The following EYS variants were observed in gnomAD, a reference collection of about 807,000 sequenced individuals.
The protein encoded by EYS is protein eyes shut homolog.
EYS carries 250 observed loss-of-function variants against 282.1 expected under a neutral mutation model. The observed-to-expected ratio is 0.89, with a 90% CI of 0.80 to 0.98. The LOEUF is 0.98. EYS is among the 50% of genes least tolerant of loss of function. The pLI is 0.00. For missense variants in EYS, 4,016 were observed against 3,709.0 expected, an observed-to-expected ratio of 1.08 and a Z score of -2.15; for synonymous variants, 1,355 against 1,282.9, an observed-to-expected ratio of 1.06 and a Z score of -1.20.
intron 22 of EYS, among the ~76,000 whole-genome samples, chr6:64,786,788 C>G (rs1562191405): frequency 1.3e-5 from 2 of 152,160 alleles, no homozygotes; most frequent in Non-Finnish European, 1.5e-5. Flanking sequence ...GGGACCTGAC[C>G]TTGGCATAGC....
chr6:63,817,967 A>T (rs1345973298), intron 36 of EYS, among the ~76,000 whole-genome samples: 2 of 152,184 alleles, frequency 1.3e-5, no homozygotes, highest in Non-Finnish European at 2.9e-5. Flanking sequence ...GTGTGTGTGC[A>T]TGTGTGCCTG....
intron 12 of EYS, among the ~76,000 whole-genome samples, chr6:65,163,613 T>C (rs371966884): frequency 6.6e-6 from 1 of 151,290 alleles, no homozygotes; most frequent in Non-Finnish European, 1.5e-5. Flanking sequence ...AATATAGTTA[T>C]TCTACTTCAG....
intron 12 of EYS, among the ~76,000 whole-genome samples, chr6:65,088,576 C>T (rs768790026): frequency 1.3e-5 from 2 of 152,092 alleles, no homozygotes; most frequent in Non-Finnish European, 2.9e-5. Flanking sequence ...AGCAGCAAAG[C>T]ATTCAAGAGG....
At chr6:64,043,366 T>C (rs1419063628) in intron 33 of EYS, among the ~76,000 whole-genome samples, 4 of 152,192 alleles carry the variant, frequency 2.6e-5, no homozygotes, top group Admixed American at 6.5e-5. Context: ...AGGATGAATA[T>C]TTATTGCATG....
chr6:64,824,549 T>C (rs1414387773), intron 19 of EYS, among the ~76,000 whole-genome samples: 1 of 151,922 alleles, frequency 6.6e-6, no homozygotes, highest in Non-Finnish European at 1.5e-5. Context: ...GACACCACCA[T>C]TCTAACTAGG....
chr6:64,652,058 T>A lies in EYS; in HGVS notation c.3444-25813A>T, dbSNP rs1768582357. Among the ~76,000 whole-genome samples the A allele has an allele frequency of 2.0e-5, 3 of 152,330 alleles. No individual in the cohort carries two copies. The South Asian group carries it at 6.2e-4, about 32-fold the overall frequency. On this transcript the variant is annotated intron_variant, in intron 22 of 42. Transcript: ENST00000503581. ...AGCTTACAAAAATTTGCATTTACTT[T>A]GAGGGAGCAATTTCCCTGCCAAGAA...
At position 64,642,511 on chromosome 6, in the gene EYS, A is replaced by T. The variant is rs553409826; in HGVS notation, c.3444-16266T>A. On this transcript the variant is annotated intron_variant, in intron 22 of 42. Transcript: ENST00000503581. ...ACTGTGAGTGAAGATGAGAGATATG[A>T]CATAGCCCTTTCTGTGCTGTGCTCT... is the stretch of plus-strand genomic sequence containing the variant. 3.3e-5 allele frequency among the ~76,000 whole-genome samples: 5 copies of T among 152,332 alleles called. No homozygotes were observed. In the South Asian group the frequency reaches 1.0e-3, roughly 32 times the overall value.
At chr6:64,746,621 T>C (rs1326597424) in intron 22 of EYS, among the ~76,000 whole-genome samples, 1 of 152,240 alleles carries the variant, frequency 6.6e-6, no homozygotes, top group Non-Finnish European at 1.5e-5. Flanking sequence ...TAGGAATCAC[T>C]GGATGTCTAG....
At chr6:65,399,850 C>A (rs1766425708) in intron 7 of EYS, among the ~76,000 whole-genome samples, 1 of 151,992 alleles carries the variant, frequency 6.6e-6, no homozygotes, top group Admixed American at 6.6e-5. Context: ...CCTTTTAATC[C>A]TTTCAGCTCT....
chr6:64,758,401 T>A (rs79622779), intron 22 of EYS, among the ~76,000 whole-genome samples: 2,714 of 152,242 alleles, frequency 0.018, 74 homozygotes, highest in African/African-American at 0.062. Flanking sequence ...ACTACTGGGG[T>A]ACTACTGCTT....
At position 65,179,479 on chromosome 6, in the gene EYS, C is replaced by T. The variant is rs182364597; in HGVS notation, c.2023+116384G>A. Among the ~76,000 whole-genome samples the T allele has an allele frequency of 9.9e-3, 1,500 of 152,090 alleles. 25 individuals are homozygous for T. The highest frequency in any genetic ancestry group is 0.034 in the African/African-American group (1,413 of 41,504). On this transcript the variant is annotated intron_variant, in intron 12 of 42. Transcript: ENST00000503581. ...ATCTAGAAGAAATGGATAAATTCCT[C>T]GACACATACATCCTCTCAAGACTAA...
chr6:63,794,872 C>G (rs1770603303), intron 37 of EYS, among the ~76,000 whole-genome samples: 1 of 152,072 alleles, frequency 6.6e-6, no homozygotes, highest in Non-Finnish European at 1.5e-5. Flanking sequence ...GAAATCAGCC[C>G]TAGGAAGATT....
intron 35 of EYS, among the ~76,000 whole-genome samples, chr6:63,877,016 G>T (rs536806004): frequency 5.8e-4 from 88 of 152,268 alleles, no homozygotes; most frequent in Non-Finnish European, 1.0e-3. Flanking sequence ...TCATTATGAT[G>T]TTAGCTGGTT....
intron 34 of EYS, among the ~76,000 whole-genome samples, chr6:63,993,117 T>C (rs906768698): frequency 1.3e-5 from 2 of 151,720 alleles, no homozygotes; most frequent in Non-Finnish European, 2.9e-5. Context: ...ACGCAAAATG[T>C]CATTTTACAA....
intron 31 of EYS, among the ~76,000 whole-genome samples, chr6:64,156,168 C>T (rs1774915478): frequency 6.6e-6 from 1 of 151,874 alleles, no homozygotes; most frequent in South Asian, 2.1e-4. Flanking sequence ...CGGGAGGGAC[C>T]TGGTGGGAGA....
chr6:65,436,600 T>C (rs540792664), intron 5 of EYS, among the ~76,000 whole-genome samples: 2 of 152,276 alleles, frequency 1.3e-5, no homozygotes, highest in East Asian at 3.9e-4. Context: ...CACAGCAGTA[T>C]TCTGCTGCAA....
intron 28 of EYS, among the ~76,000 whole-genome samples, chr6:64,418,572 C>G (rs1774132034): frequency 6.6e-6 from 1 of 152,186 alleles, no homozygotes; most frequent in African/African-American, 2.4e-5. Context: ...TGCCTTGGCA[C>G]TGTCATAAAA....
intron 37 of EYS, among the ~76,000 whole-genome samples, chr6:63,790,819 G>T (rs1433466848): frequency 2.0e-5 from 3 of 152,158 alleles, no homozygotes; most frequent in Admixed American, 2.0e-4. Context: ...ATTCTGGAGG[G>T]GATCTGAATT....
At chr6:65,313,913 A>G (rs1399769460) in intron 11 of EYS, among the ~76,000 whole-genome samples, 3 of 152,176 alleles carry the variant, frequency 2.0e-5, no homozygotes, top group African/African-American at 4.8e-5. Context: ...CCCAAGTCCT[A>G]TAATGGCCTG....
Sources: gnomAD v4.1 joint callset for allele counts (sites outside exome capture counted in the v4.1 genomes callset) on GRCh38, gnomAD v4.1.1 for gene constraint, MANE v1.5 for transcripts, NCBI Gene and HGNC (gene_info 2026-07-23, HGNC 2026-07-21) for gene names.